The following IQUB variants were observed in gnomAD, a reference collection of about 807,000 sequenced individuals.
IQUB encodes IQ motif and ubiquitin-like domain-containing protein.
IQUB carries 86 observed loss-of-function variants against 86.4 expected under a neutral mutation model. The ratio of observed to expected loss-of-function variants is 1.00; its 90% CI spans 0.84 to 1.19. IQUB has a LOEUF of 1.19. IQUB is among the 50% of genes most tolerant of loss of function. The pLI, the probability that IQUB is intolerant of heterozygous loss-of-function variation, is 0.00. For missense variants in IQUB, 946 were observed against 916.9 expected (o/e 1.03, Z -0.41); for synonymous variants, 289 against 304.5 (o/e 0.95, Z 0.53).
rs530428354 is a variant in IQUB, at chr7:123,496,733, T to G, written c.1197A>C (p.Thr399=). The G allele has an allele frequency of 1.2e-6, 2 of 1,608,004 alleles. No individual in the cohort carries two copies. The highest frequency in any genetic ancestry group is 2.2e-5 in the South Asian group (2 of 89,920). Residue 399 remains threonine, a synonymous_variant, in exon 7 of 13, where the codon ACA becomes ACC. Transcript: ENST00000324698. ...LDYHRRHNPK[T]NEDFEFLYNA... ...TATAAAGAAATTCAAAATCTTCATT[T>G]GTTTTAGGATTATGCCTCCGGTGAT...
chr7:123,479,415 CA>C (rs765579735), intron 8 of IQUB, among the ~76,000 whole-genome samples: 5 of 152,096 alleles, frequency 3.3e-5, no homozygotes, highest in Non-Finnish European at 7.4e-5. Flanking sequence ...TGCTTACCAT[CA>C]GAGCACCCCA....
intron 7 of IQUB, among the ~76,000 whole-genome samples, chr7:123,494,078 A>T (rs1795607944): frequency 6.6e-6 from 1 of 152,016 alleles, no homozygotes; most frequent in African/African-American, 2.4e-5. Flanking sequence ...AGACAAAACA[A>T]CCCCAATTAT....
rs1797152860 is a variant in IQUB, at chr7:123,525,489, A to G, written c.-5+9003T>C. 2.0e-5 allele frequency among the ~76,000 whole-genome samples: 3 copies of G among 152,112 alleles called. No individual in the cohort carries two copies. The South Asian group carries it at 6.2e-4, about 32-fold the overall frequency. On this transcript the variant is annotated intron_variant, in intron 1 of 12. Transcript: ENST00000324698. ...TCTAGATTTTCTAGTTTATTTGCGTAGAGGTGTTTGTAGTATTCTCTGATG... is the reference window on the plus strand; with the variant it reads ...TCTAGATTTTCTAGTTTATTTGCGTGGAGGTGTTTGTAGTATTCTCTGATG...
chr7:123,516,614 G>C (rs1796647726), intron 1 of IQUB, among the ~76,000 whole-genome samples: 1 of 152,122 alleles, frequency 6.6e-6, no homozygotes, highest in Non-Finnish European at 1.5e-5. Flanking sequence ...TTTCTATTTG[G>C]ATAAAGAAAC....
intron 8 of IQUB, among the ~76,000 whole-genome samples, chr7:123,472,690 C>T (rs1794584697): frequency 6.6e-6 from 1 of 152,174 alleles, no homozygotes; most frequent in South Asian, 2.1e-4. Flanking sequence ...ATTAAAAAAT[C>T]TGTTCAGCAA....
chr7:123,503,893 A>T (rs981038699), intron 3 of IQUB, among the ~76,000 whole-genome samples: 2 of 152,210 alleles, frequency 1.3e-5, no homozygotes, highest in South Asian at 2.1e-4. Flanking sequence ...ATAACACTAC[A>T]TTACTCTCAG....
chr7:123,453,716 T>C (rs1201509487), intron 12 of IQUB, among the ~76,000 whole-genome samples: 1 of 152,100 alleles, frequency 6.6e-6, no homozygotes, highest in East Asian at 1.9e-4. Context: ...ACTTTCTTGT[T>C]ACATAAGAAA....
chr7:123,468,181 G>A (rs1487071390), intron 9 of IQUB, among the ~76,000 whole-genome samples: 1 of 152,188 alleles, frequency 6.6e-6, no homozygotes, highest in Non-Finnish European at 1.5e-5. Flanking sequence ...GACCTCTCAA[G>A]ATGCAAGTCA....
intron 12 of IQUB, 56 bp downstream of exon 12, chr7:123,457,325 T>G: frequency 5.0e-6 from 8 of 1,585,622 alleles, no homozygotes; most frequent in Non-Finnish European, 6.9e-6. Context: ...AGTCCAGTTA[T>G]CGCTAATAAT....
intron 12 of IQUB, among the ~76,000 whole-genome samples, chr7:123,455,033 CTA>C (rs1411245814): frequency 2.0e-5 from 3 of 152,096 alleles, no homozygotes; most frequent in Non-Finnish European, 4.4e-5. Flanking sequence ...TGGAGAGTAT[CTA>C]CATAAATTAT....
At chr7:123,526,760 T>C (rs1797236143) in intron 1 of IQUB, among the ~76,000 whole-genome samples, 1 of 151,964 alleles carries the variant, frequency 6.6e-6, no homozygotes, top group African/African-American at 2.4e-5. Context: ...GCTGGTTATT[T>C]TGCTCATTAG....
chr7:123,504,193 TAATA>T (rs1461181580), intron 3 of IQUB, among the ~76,000 whole-genome samples: 3 of 152,128 alleles, frequency 2.0e-5, no homozygotes, highest in African/African-American at 7.2e-5. Flanking sequence ...TTCATGCTTG[TAATA>T]TCAGCACTTT....
chr7:123,489,037 AC>A (rs1391978482), intron 7 of IQUB, among the ~76,000 whole-genome samples: 1 of 152,212 alleles, frequency 6.6e-6, no homozygotes, highest in Non-Finnish European at 1.5e-5. Context: ...AAAATATACT[AC>A]AAAATGTATG....
At chr7:123,477,385 T>C (rs1794796121) in intron 8 of IQUB, among the ~76,000 whole-genome samples, 1 of 152,152 alleles carries the variant, frequency 6.6e-6, no homozygotes, top group South Asian at 2.1e-4. Flanking sequence ...TGGCTAGCCA[T>C]ATGGAGAAAG....
chr7:123,460,726 C>G (rs1356543428), intron 11 of IQUB, among the ~76,000 whole-genome samples: 1 of 151,830 alleles, frequency 6.6e-6, no homozygotes, highest in African/African-American at 2.4e-5. Flanking sequence ...CTGGCCTAAA[C>G]CCAATAGAAG....
rs182332846 is a variant in IQUB, at chr7:123,505,655, C to T, written c.533-2292G>A. On this transcript the variant is annotated intron_variant, in intron 3 of 12. Transcript: ENST00000324698. ...GGGATGCAGGCAGAAGTGTCCCAAA[C>T]GGCCCTGGGCCTAGCTCACAAAACC... Among the ~76,000 whole-genome samples the T allele has an allele frequency of 2.1e-3, 318 of 152,246 alleles. 1 individual carries two copies. The highest frequency in any genetic ancestry group is 3.7e-3 in the Admixed American group (57 of 15,274).
At chr7:123,508,758 A>G (rs893663483) in intron 3 of IQUB, among the ~76,000 whole-genome samples, 1 of 152,072 alleles carries the variant, frequency 6.6e-6, no homozygotes, top group South Asian at 2.1e-4. Flanking sequence ...TTAAGTTCAG[A>G]CTCTGCCACT....
chr7:123,457,200 T>C, intron 12 of IQUB, 181 bp downstream of exon 12: 1 of 967,086 alleles, frequency 1.0e-6, no homozygotes, highest in South Asian at 4.8e-5. Context: ...CTCTTATATA[T>C]ACCTTTTATT....
intron 1 of IQUB, among the ~76,000 whole-genome samples, chr7:123,522,206 C>T (rs1796937392): frequency 6.6e-6 from 1 of 152,106 alleles, no homozygotes; most frequent in Admixed American, 6.6e-5. Context: ...ACTGTAAAAG[C>T]AGTAAATTCC....
Sources: allele counts gnomAD v4.1 joint callset (sites outside exome capture counted in the v4.1 genomes callset), GRCh38; gene constraint gnomAD v4.1.1; transcripts MANE v1.5; gene names NCBI Gene and HGNC (gene_info 2026-07-23, HGNC 2026-07-21).